RIT2: variants seen among roughly 807,000 people sequenced by gnomAD.
The protein encoded by RIT2 is GTP-binding protein Rit2.
In RIT2, 24 loss-of-function variants were observed where a neutral mutation model predicts 23.7. The observed-to-expected ratio is 1.01, with a 90% confidence interval of 0.73 to 1.43. The LOEUF (loss-of-function observed/expected upper bound fraction) is 1.43, where lower values mean the gene tolerates loss of function less well. Among genes scored for constraint, RIT2 ranks in the 40% most tolerant of loss-of-function variants. The probability of loss-of-function intolerance (pLI) is 0.00; values close to 1 mark genes in which losing one functional copy is unlikely to be tolerated. For synonymous variants in RIT2, 107 were observed against 91.1 expected (o/e 1.17, Z -0.99); for missense variants, 236 against 266.9 (o/e 0.88, Z 0.81).
intron 4 of RIT2, among the ~76,000 whole-genome samples, chr18:42,805,972 A>G (rs995518823): frequency 6.6e-6 from 1 of 151,938 alleles, no homozygotes; most frequent in Non-Finnish European, 1.5e-5. Flanking sequence ...GCCACTCACC[A>G]TTTAACGACA....
intron 3 of RIT2, among the ~76,000 whole-genome samples, chr18:42,952,901 G>T: frequency 6.6e-6 from 1 of 150,636 alleles, no homozygotes; most frequent in Non-Finnish European, 1.5e-5. Context: ...TGCATTTTTT[G>T]CTTATCTTTT....
intron 4 of RIT2, among the ~76,000 whole-genome samples, chr18:42,922,969 C>T (rs911692068): frequency 6.6e-6 from 1 of 152,134 alleles, no homozygotes; most frequent in Non-Finnish European, 1.5e-5. Flanking sequence ...ACCCCCAAAA[C>T]ATGGTAGCGT....
chr18:42,756,075 T>C lies in RIT2; in HGVS notation c.427-12355A>G, dbSNP rs187028679. 2.5e-3 allele frequency among the ~76,000 whole-genome samples: 384 copies of C among 152,180 alleles called. 1 individual carries two copies. Among genetic ancestry groups the C allele is most frequent in the Middle Eastern group, 0.014 (4 of 292 alleles). On this transcript the variant is annotated intron_variant, in intron 4 of 4. Transcript: ENST00000326695. ...CTTTTGTGGGATCATCAGTAGTTAA[T>C]ATGGTTTAGACCAGAGCACAAGGGA...
rs562531138 is a variant in RIT2, at chr18:42,977,902, A to T, written c.161-3755T>A. On this transcript the variant is annotated intron_variant, in intron 2 of 4. Transcript: ENST00000326695. The stretch of plus-strand genomic sequence containing the variant: ...CAACCATACAATTTTTCTATTTTCT[A>T]TTCCACTGCTCTTTGTACATTCACT... 2.7e-5 allele frequency among the ~76,000 whole-genome samples: 4 copies of T among 150,802 alleles called. No individual in the cohort carries two copies. In the South Asian group the frequency reaches 8.5e-4, roughly 32 times the overall value.
intron 2 of RIT2, among the ~76,000 whole-genome samples, chr18:43,020,100 T>C (rs370372377): frequency 6.6e-5 from 10 of 152,210 alleles, no homozygotes; most frequent in African/African-American, 2.4e-4. Flanking sequence ...ACTGTTAAAA[T>C]GGACATATTA....
intron 3 of RIT2, among the ~76,000 whole-genome samples, chr18:42,952,293 C>G (rs1216077960): frequency 6.6e-6 from 1 of 152,022 alleles, no homozygotes; most frequent in African/African-American, 2.4e-5. Context: ...AGAACAAATA[C>G]CATATGATAC....
chr18:43,042,303 T>C (rs562601075), intron 1 of RIT2, among the ~76,000 whole-genome samples: 1 of 152,344 alleles, frequency 6.6e-6, no homozygotes, highest in East Asian at 1.9e-4. Context: ...AATACCTCTT[T>C]CTTCATTTAA....
chr18:43,002,178 TA>T (rs1911122597), intron 2 of RIT2, among the ~76,000 whole-genome samples: 1 of 151,950 alleles, frequency 6.6e-6, no homozygotes, highest in African/African-American at 2.4e-5. Context: ...TCCAAGAGTT[TA>T]AAAGTTGAAG....
At chr18:43,115,249 C>A (rs1914040895) in intron 1 of RIT2, among the ~76,000 whole-genome samples, 168 bp downstream of exon 1, 2 of 152,174 alleles carry the variant, frequency 1.3e-5, no homozygotes, top group African/African-American at 2.4e-5. Context: ...GACTCATCAG[C>A]ATCGGTTTAA....
chr18:42,927,908 G>C (rs1245317029), intron 3 of RIT2, among the ~76,000 whole-genome samples: 1 of 151,930 alleles, frequency 6.6e-6, no homozygotes, highest in East Asian at 1.9e-4. Flanking sequence ...TTGATTATCA[G>C]AGTAAGAATT....
chr18:42,802,987 C>G (rs1326135071), intron 4 of RIT2, among the ~76,000 whole-genome samples: 3 of 152,108 alleles, frequency 2.0e-5, no homozygotes, highest in East Asian at 3.9e-4. Flanking sequence ...TCTACCAGAA[C>G]CTGGCCCTGG....
At position 42,881,764 on chromosome 18, in the gene RIT2, A is replaced by T. The variant is rs118182273; in HGVS notation, c.426+41808T>A. ...TTCCTAGTTATAACTATTGCTTAGC[A>T]CTTTCAACATTATGCTCATTATGGC... On this transcript the variant is annotated intron_variant, in intron 4 of 4. Coordinates refer to ENST00000326695, the MANE Select transcript of RIT2 (RefSeq NM_002930.4). 1.9e-4 allele frequency among the ~76,000 whole-genome samples: 29 copies of T among 152,284 alleles called. No individual in the cohort carries two copies. In the East Asian group the frequency reaches 5.4e-3, roughly 28 times the overall value.
intron 3 of RIT2, among the ~76,000 whole-genome samples, chr18:42,929,786 T>C (rs1014006121): frequency 3.3e-5 from 5 of 152,094 alleles, no homozygotes; most frequent in Admixed American, 2.0e-4. Context: ...GCCAGTCCCA[T>C]TGCAATGGGA....
intron 2 of RIT2, among the ~76,000 whole-genome samples, chr18:43,000,781 G>A (rs1233839185): frequency 6.6e-6 from 1 of 151,900 alleles, no homozygotes; most frequent in African/African-American, 2.4e-5. Context: ...AGTTTTCTGA[G>A]GCCTCCCCAG....
intron 2 of RIT2, among the ~76,000 whole-genome samples, chr18:42,974,885 TGAGA>T (rs1910444203): frequency 6.6e-6 from 1 of 152,120 alleles, no homozygotes; most frequent in African/African-American, 2.4e-5. Context: ...AAAATGTTGC[TGAGA>T]GAAATTAAAG....
At chr18:43,031,447 C>A (rs1255636777) in intron 2 of RIT2, among the ~76,000 whole-genome samples, 1 of 151,938 alleles carries the variant, frequency 6.6e-6, no homozygotes, top group Non-Finnish European at 1.5e-5. Context: ...ATAAAGAAGT[C>A]TCCTCTGCTT....
At chr18:42,774,570 A>G (rs1243518529) in intron 4 of RIT2, among the ~76,000 whole-genome samples, 1 of 152,084 alleles carries the variant, frequency 6.6e-6, no homozygotes, top group Non-Finnish European at 1.5e-5. Flanking sequence ...CAGGTCAATC[A>G]GGTAGACAGG....
intron 4 of RIT2, among the ~76,000 whole-genome samples, chr18:42,773,809 A>G (rs1913605124): frequency 6.6e-6 from 1 of 152,210 alleles, no homozygotes; most frequent in Non-Finnish European, 1.5e-5. Context: ...GAGAGATGAC[A>G]GAAGAGTTGG....
At chr18:42,915,311 T>A (rs185434999) in intron 4 of RIT2, among the ~76,000 whole-genome samples, 4 of 152,100 alleles carry the variant, frequency 2.6e-5, no homozygotes, top group Admixed American at 2.6e-4. Flanking sequence ...AAATCTTAGA[T>A]AGGGTAATAA....
Sources: allele counts gnomAD v4.1 joint callset (sites outside exome capture counted in the v4.1 genomes callset), GRCh38; gene constraint gnomAD v4.1.1; transcripts MANE v1.5; gene names NCBI Gene and HGNC (gene_info 2026-07-23, HGNC 2026-07-21).